SLC25A35: variants seen among roughly 807,000 people sequenced by gnomAD.
SLC25A35 encodes solute carrier family 25 member 35.
SLC25A35 carries 32 observed loss-of-function variants against 30.5 expected under a neutral mutation model. The observed-to-expected ratio is 1.05, with a 90% CI of 0.79 to 1.41. The LOEUF is 1.41. Among genes scored for constraint, SLC25A35 ranks in the 40% most tolerant of loss-of-function variants. The probability of loss-of-function intolerance (pLI) is 0.00; values close to 1 mark genes in which losing one functional copy is unlikely to be tolerated. For synonymous variants in SLC25A35, 142 were observed against 158.1 expected (o/e 0.90, Z 0.77); for missense variants, 369 against 388.0 (o/e 0.95, Z 0.41).
chr17:8,289,909 C>T (rs746275946), downstream of SLC25A35: 28 of 1,614,156 alleles, frequency 1.7e-5, no homozygotes, highest in Non-Finnish European at 2.3e-5. Context: ...TGACCCTTCA[C>T]GATCCTAACA....
chr17:8,291,867 T>C (rs959292649), intron 2 of SLC25A35, among the ~76,000 whole-genome samples: 1 of 151,828 alleles, frequency 6.6e-6, no homozygotes, highest in African/African-American at 2.4e-5. Context: ...TTGGCCAACA[T>C]GGTGAAACCC....
downstream of SLC25A35, chr17:8,289,954 A>G: frequency 1.2e-6 from 2 of 1,614,090 alleles, no homozygotes; most frequent in Non-Finnish European, 1.7e-6. Flanking sequence ...GAAGCACTGC[A>G]TGATGTTGCT....
In SLC25A35 at chr17:8,294,528, G is replaced by C. The variant is rs763647545; in HGVS notation, c.280C>G (p.His94Asp). 1.2e-6 allele frequency: 2 copies of C among 1,613,742 alleles called. No homozygotes were observed. Among genetic ancestry groups the C allele is most frequent in the African/African-American group, 2.7e-5 (2 of 74,940 alleles). ...YGLAEAGGYLHTAEGTHSPAR... is the reference protein window; with the variant it reads ...YGLAEAGGYLDTAEGTHSPAR... ...GGACTGTGGGTGCCTTCGGCTGTGT[G>C]CAGGTAGCCCCCAGCCTCAGCCAGC... Residue 94 changes from histidine (H) to aspartate (D), a missense_variant, in exon 1 of 5, where the codon CAC becomes GAC. By Grantham distance (81) the His-to-Asp change is moderately conservative (BLOSUM62 -1). Transcript: ENST00000577745.
chr17:8,291,036 G>A, intron 3 of SLC25A35, 60 bp from the exon 4 acceptor site: 1 of 1,599,942 alleles, frequency 6.3e-7, no homozygotes, highest in South Asian at 1.1e-5. Flanking sequence ...CCAAGGACAG[G>A]ACAGTCCCTG....
At chr17:8,292,437 G>T in intron 2 of SLC25A35, 86 bp downstream of exon 2, 1 of 1,319,318 alleles carries the variant, frequency 7.6e-7, no homozygotes, top group Non-Finnish European at 1.1e-6. Flanking sequence ...AGCAGTGGCT[G>T]GGATTGGATC....
downstream of SLC25A35, chr17:8,288,726 C>A: frequency 6.3e-7 from 1 of 1,577,836 alleles, no homozygotes; most frequent in Non-Finnish European, 8.7e-7. Context: ...GGAGCCGATG[C>A]CACGTGACCC....
In SLC25A35 at chr17:8,290,337, G is replaced by T. The variant is rs1454331263; in HGVS notation, c.*168C>A. The stretch of plus-strand genomic sequence containing the variant: ...TTAAAGCAACACCCAAGGAAAGAAG[G>T]GAAACTCATCTCTTGTAGTGATTCA... On this transcript the variant is annotated 3_prime_UTR_variant, in exon 5 of 5. Transcript: ENST00000577745. 1 of 1,434,256 alleles carries T rather than the reference G, an allele frequency of 7.0e-7. No individual in the cohort carries two copies. Among genetic ancestry groups the T allele is most frequent in the Non-Finnish European group, 9.1e-7 (1 of 1,099,730 alleles). 88.8% of individuals were successfully genotyped at this position (1,434,256 alleles called of 1,614,324 possible).
chr17:8,288,846 A>G, downstream of SLC25A35: 1 of 1,613,972 alleles, frequency 6.2e-7, no homozygotes, highest in Non-Finnish European at 8.5e-7. Context: ...CATCCTCCCC[A>G]TGGGGGCCAT....
rs189271086 is a variant in SLC25A35 at position 8,292,782 on chromosome 17, G to A, written c.376-194C>T. ...TCTAGGCTCCAGCCCCAGGGGGGTGGATCTCCCAGCACTGCAAGACACCCC... is the reference window on the plus strand; with the variant it reads ...TCTAGGCTCCAGCCCCAGGGGGGTGAATCTCCCAGCACTGCAAGACACCCC... On this transcript the variant is annotated intron_variant, in intron 1 of 4. Coordinates refer to ENST00000577745, the MANE Select transcript of SLC25A35 (RefSeq NM_001320870.2). Among the ~76,000 whole-genome samples, 303 of 152,250 alleles carry A rather than the reference G, an allele frequency of 2.0e-3. 1 individual carries two copies. Among genetic ancestry groups the A allele is most frequent in the Non-Finnish European group, 3.7e-3 (249 of 67,992 alleles).
chr17:8,294,393 G>T, intron 1 of SLC25A35, 40 bp downstream of exon 1: 1 of 1,517,256 alleles, frequency 6.6e-7, no homozygotes. Flanking sequence ...CTACAACGAG[G>T]ATCTGCCCTG....
At chr17:8,293,876 G>T (rs1428425839) in intron 1 of SLC25A35, among the ~76,000 whole-genome samples, 1 of 147,486 alleles carries the variant, frequency 6.8e-6, no homozygotes, top group Non-Finnish European at 1.5e-5. Flanking sequence ...TCAAAGCCAG[G>T]ATTTTAGTTC....
chr17:8,295,256 C>T lies in SLC25A35; in HGVS notation c.-449G>A. 1.0e-6 allele frequency: 1 copy of T among 989,320 alleles called. No individual in the cohort carries two copies. The highest frequency in any genetic ancestry group is 4.6e-5 in the South Asian group (1 of 21,754). 61.3% of individuals were successfully genotyped at this position (989,320 alleles called of 1,614,324 possible). ...AGAAGAGCCGGTGATTTCCTCGAGC[C>T]AGCAACGAGATCTCGATCCGAGAAA... On this transcript the variant is annotated 5_prime_UTR_variant, in exon 1 of 5. Coordinates refer to ENST00000577745, the MANE Select transcript of SLC25A35 (RefSeq NM_001320870.2).
Position 8,294,847 on chromosome 17 carries a change from A to C in SLC25A35, c.-40T>G. On this transcript the variant is annotated 5_prime_UTR_variant, in exon 1 of 5. Transcript: ENST00000577745. ...AGCAGGAACTGACCCAAGAGTAAGA[A>C]AGTAAAAATGGGTGTCAGAAAGCGG... 1 of 1,525,480 alleles carries C rather than the reference A, an allele frequency of 6.6e-7. No individual in the cohort carries two copies. Among genetic ancestry groups the C allele is most frequent in the Non-Finnish European group, 8.8e-7 (1 of 1,136,990 alleles). 94.5% of individuals were successfully genotyped at this position (1,525,480 alleles called of 1,614,324 possible).
intron 1 of SLC25A35, among the ~76,000 whole-genome samples, chr17:8,293,894 T>A (rs1990675471): frequency 7.0e-6 from 1 of 143,152 alleles, no homozygotes; most frequent in South Asian, 2.2e-4. Context: ...TTCCAGAAAG[T>A]CTGATTCCAA....
At chr17:8,294,399 C>T in intron 1 of SLC25A35, 34 bp downstream of exon 1, 2 of 1,528,200 alleles carry the variant, frequency 1.3e-6, no homozygotes, top group Non-Finnish European at 1.8e-6. Context: ...CGAGGATCTG[C>T]CCTGAAGGTC....
Position 8,294,599 on chromosome 17 carries a change from AG to A in SLC25A35, c.208del (p.Leu70SerfsTer6), listed in dbSNP as rs1990741044. The stretch of plus-strand genomic sequence containing the variant: ...GCCATTCATCAGGAACTGGTACAAG[AG>A]GGCGGGGGCCAGGCCTTTCTGCAGG... ...AALQKGLAPA[L>X]LYQFLMNGIR... On this transcript the variant is annotated frameshift_variant, in exon 1 of 5. Transcript: ENST00000577745. LOFTEE classifies it high-confidence loss of function. 2 of 1,614,162 alleles carry A rather than the reference AG, an allele frequency of 1.2e-6. No homozygotes were observed. Among genetic ancestry groups the A allele is most frequent in the African/African-American group, 1.3e-5 (1 of 75,056 alleles).
At chr17:8,289,344 C>T, downstream of SLC25A35, 1 of 1,614,144 alleles carries the variant, frequency 6.2e-7, no homozygotes, top group Non-Finnish European at 8.5e-7. Flanking sequence ...GAGAACCTGG[C>T]CCTGAGGGGC....
In SLC25A35 at chr17:8,290,576, C is replaced by T. The variant is rs569238040; in HGVS notation, c.832G>A (p.Gly278Ser). ...KGIGASYFRL[G>S]PHTILSLFFW... ...AAGAGGGAGAGGATGGTGTGGGGGC[C>T]GAGGCGGAAGTAGGAGGCACCTATA... The change falls in exon 5 of 5, where the codon GGC becomes AGC. Residue 278 changes from glycine (G) to serine (S), a missense_variant. Gly to Ser is a moderately conservative substitution (Grantham distance 56). Coordinates refer to ENST00000577745, the MANE Select transcript of SLC25A35 (RefSeq NM_001320870.2). 188 of 1,536,050 alleles carry T rather than the reference C, an allele frequency of 1.2e-4. No homozygotes were observed. In the East Asian group the frequency reaches 1.5e-3, roughly 13 times the overall value.
Position 8,295,140 on chromosome 17 carries a change from G to A in SLC25A35, c.-333C>T, listed in dbSNP as rs1183289827. 5.7e-6 allele frequency: 6 copies of A among 1,060,714 alleles called. No homozygotes were observed. Among genetic ancestry groups the A allele is most frequent in the East Asian group, 7.0e-5 (1 of 14,264 alleles). The allele number at this position is 1,060,714 out of a possible 1,614,324, so 65.7% of individuals were successfully genotyped here. On this transcript the variant is annotated 5_prime_UTR_variant, in exon 1 of 5. Coordinates refer to ENST00000577745, the MANE Select transcript of SLC25A35 (RefSeq NM_001320870.2). ...CAGGATGGCGGGCGACGGGAGCACGGGAGTAGAGGAGGGAATCGCGGGGTT... is the reference window on the plus strand; with the variant it reads ...CAGGATGGCGGGCGACGGGAGCACGAGAGTAGAGGAGGGAATCGCGGGGTT...
Sources: allele counts gnomAD v4.1 joint callset (sites outside exome capture counted in the v4.1 genomes callset), GRCh38; gene constraint gnomAD v4.1.1; transcripts MANE v1.5; gene names NCBI Gene and HGNC (gene_info 2026-07-23, HGNC 2026-07-21).